Variants in LMNTD1 observed in about 807,000 individuals in gnomAD.
LMNTD1 encodes lamin tail domain-containing protein 1.
A neutral mutation model predicts 50.9 loss-of-function variants in LMNTD1; 35 were observed. The ratio of observed to expected loss-of-function variants is 0.69; its 90% CI spans 0.53 to 0.91. The LOEUF (loss-of-function observed/expected upper bound fraction) is 0.91. LMNTD1 is among the 40% of genes least tolerant of loss of function. LMNTD1 has a pLI of 0.00. For missense variants in LMNTD1, 470 were observed against 475.5 expected (o/e 0.99, Z 0.11); for synonymous variants, 153 against 161.9 (o/e 0.94, Z 0.42).
At chr12:25,532,071 A>T (rs1942261509) in intron 4 of LMNTD1, among the ~76,000 whole-genome samples, 2 of 149,034 alleles carry the variant, frequency 1.3e-5, no homozygotes, top group African/African-American at 4.8e-5. Flanking sequence ...TGGTCAGAAG[A>T]CTACAATGTC....
At chr12:25,619,790 G>A (rs1287438769) in intron 1 of LMNTD1, among the ~76,000 whole-genome samples, 1 of 152,182 alleles carries the variant, frequency 6.6e-6, no homozygotes, top group Non-Finnish European at 1.5e-5. Flanking sequence ...TTGGCAAAAT[G>A]GATGGTCAAG....
intron 6 of LMNTD1, 64 bp from the exon 7 acceptor site, chr12:25,520,139 G>GAGATAGAT (rs1446330038): frequency 6.7e-6 from 1 of 149,920 alleles, no homozygotes; most frequent in Admixed American, 1.1e-4. Flanking sequence ...GCTGTTATGA[G>GAGATAGAT]ATATACATAT....
At chr12:25,561,366 G>T (rs1592019179) in intron 1 of LMNTD1, among the ~76,000 whole-genome samples, 3 of 152,302 alleles carry the variant, frequency 2.0e-5, no homozygotes, top group African/African-American at 4.8e-5. Context: ...TGGTTTCAAA[G>T]AAATCTTTAT....
intron 3 of LMNTD1, among the ~76,000 whole-genome samples, chr12:25,547,686 C>T (rs1012346382): frequency 6.6e-6 from 1 of 151,804 alleles, no homozygotes; most frequent in Non-Finnish European, 1.5e-5. Context: ...TCAAGTACTT[C>T]CTTAATCCTT....
chr12:25,571,798 T>C (rs967674099), intron 1 of LMNTD1, among the ~76,000 whole-genome samples: 4 of 152,140 alleles, frequency 2.6e-5, no homozygotes, highest in Non-Finnish European at 5.9e-5. Flanking sequence ...GTTTCTCAAG[T>C]AGTTGGGATT....
chr12:25,586,904 A>C (rs1162979639), intron 1 of LMNTD1, among the ~76,000 whole-genome samples: 1 of 152,148 alleles, frequency 6.6e-6, no homozygotes, highest in African/African-American at 2.4e-5. Flanking sequence ...ACCACATAGC[A>C]TGCCCTTTGT....
chr12:25,611,815 G>A (rs1054593999), intron 1 of LMNTD1, among the ~76,000 whole-genome samples: 1 of 152,198 alleles, frequency 6.6e-6, no homozygotes, highest in African/African-American at 2.4e-5. Flanking sequence ...GCATTCAAAA[G>A]TTAGATTAGA....
chr12:25,624,398 A>G (rs1321942255), intron 1 of LMNTD1, among the ~76,000 whole-genome samples: 1 of 152,210 alleles, frequency 6.6e-6, no homozygotes, highest in East Asian at 1.9e-4. Flanking sequence ...TACCCATTCC[A>G]TAACTGTGAT....
chr12:25,593,337 G>A (rs1018414554), intron 1 of LMNTD1, among the ~76,000 whole-genome samples: 1 of 152,122 alleles, frequency 6.6e-6, no homozygotes, highest in Non-Finnish European at 1.5e-5. Context: ...ACCAGAACAG[G>A]TGCTGGCATC....
intron 3 of LMNTD1, among the ~76,000 whole-genome samples, chr12:25,547,537 G>A (rs139955886): frequency 2.0e-5 from 3 of 151,740 alleles, no homozygotes; most frequent in African/African-American, 7.2e-5. Flanking sequence ...ACAATCTAGA[G>A]TTTAAATCTT....
At chr12:25,503,929 G>T in intron 8 of LMNTD1, 129 bp from the exon 9 acceptor site, 1 of 542,526 alleles carries the variant, frequency 1.8e-6, no homozygotes, top group Non-Finnish European at 3.2e-6. Flanking sequence ...AACAACAAAA[G>T]GATTTTCTTT....
At chr12:25,599,602 G>A (rs1384134706) in intron 1 of LMNTD1, among the ~76,000 whole-genome samples, 1 of 151,976 alleles carries the variant, frequency 6.6e-6, no homozygotes, top group East Asian at 1.9e-4. Flanking sequence ...ATTCAATAAA[G>A]TTGTAGGATA....
rs372163169 is a variant in LMNTD1 at position 25,552,500 on chromosome 12, G to C, written c.89+371C>G. ...GGGCGCCTGTAGTCCTAGCTACTCC[G>C]AGAGGCTGAGGCAAGAGAATGGCGT... On this transcript the variant is annotated intron_variant, in intron 2 of 9. Transcript: ENST00000458174. 6.8e-5 allele frequency among the ~76,000 whole-genome samples: 10 copies of C among 147,816 alleles called. No individual in the cohort carries two copies. The South Asian group carries it at 2.2e-3, about 33-fold the overall frequency.
intron 4 of LMNTD1, among the ~76,000 whole-genome samples, chr12:25,544,178 C>T (rs1943279704): frequency 6.6e-6 from 1 of 151,758 alleles, no homozygotes; most frequent in South Asian, 2.1e-4. Context: ...TGTTAAAGTG[C>T]CCTACTACTG....
intron 7 of LMNTD1, among the ~76,000 whole-genome samples, chr12:25,519,570 A>G (rs1941108454): frequency 8.6e-6 from 1 of 116,674 alleles, no homozygotes; most frequent in Non-Finnish European, 1.8e-5. Context: ...CCTGGGTGAC[A>G]GAGCGAGACT....
At position 25,619,382 on chromosome 12, in the gene LMNTD1, G is replaced by A. The variant is rs182170264; in HGVS notation, c.58+29112C>T. 3.8e-3 allele frequency among the ~76,000 whole-genome samples: 571 copies of A among 151,872 alleles called. 2 individuals carry two copies. The highest frequency in any genetic ancestry group is 0.013 in the African/African-American group (545 of 41,388). The stretch of plus-strand genomic sequence containing the variant: ...GACTTAAAATGTAAAAGTTCTATAC[G>A]CAAAACATACAACAAAGTTAAAACA... On this transcript the variant is annotated intron_variant, in intron 1 of 7. Coordinates refer to the LMNTD1 transcript ENST00000445693.
At chr12:25,545,514 G>A (rs907707959) in intron 4 of LMNTD1, among the ~76,000 whole-genome samples, 1 of 151,646 alleles carries the variant, frequency 6.6e-6, no homozygotes, top group Non-Finnish European at 1.5e-5. Context: ...GTTTTCTGGG[G>A]TGGCTGGATA....
chr12:25,609,704 C>T (rs1452768766), intron 1 of LMNTD1, among the ~76,000 whole-genome samples: 1 of 152,186 alleles, frequency 6.6e-6, no homozygotes, highest in Non-Finnish European at 1.5e-5. Context: ...CCTGATCCTT[C>T]CTCTGGAAGC....
chr12:25,552,689 C>A (rs829048), intron 2 of LMNTD1, among the ~76,000 whole-genome samples, 182 bp downstream of exon 2: 101,546 of 151,320 alleles, frequency 0.67, 34,421 homozygotes, highest in Admixed American at 0.73. Flanking sequence ...CTAGAACCTT[C>A]TAAAACAGTA....
Sources: allele counts gnomAD v4.1 joint callset (sites outside exome capture counted in the v4.1 genomes callset), GRCh38; gene constraint gnomAD v4.1.1; transcripts MANE v1.5; gene names NCBI Gene and HGNC (gene_info 2026-07-23, HGNC 2026-07-21).